UBE2G1: variants seen among roughly 807,000 people sequenced by gnomAD.
UBE2G1 encodes ubiquitin conjugating enzyme E2 G1.
Under a neutral mutation model 22.7 loss-of-function variants are expected in UBE2G1, and 5 were observed. The observed-to-expected ratio is 0.22, with a 90% CI of 0.12 to 0.46. UBE2G1 has a LOEUF of 0.46. UBE2G1 is among the 20% of genes least tolerant of loss of function. UBE2G1 has a pLI of 0.99. For missense variants in UBE2G1, 88 were observed against 203.9 expected, an observed-to-expected ratio of 0.43 and a Z score of 3.46; for synonymous variants, 74 against 67.5, an observed-to-expected ratio of 1.10 and a Z score of -0.47.
chr17:4,339,509 G>T (rs1265564488), intron 1 of UBE2G1, among the ~76,000 whole-genome samples: 1 of 152,070 alleles, frequency 6.6e-6, no homozygotes, highest in Non-Finnish European at 1.5e-5. Flanking sequence ...TCAGCATGTT[G>T]ACCAGGCTGG....
chr17:4,274,644 A>G (rs1353775216), intron 5 of UBE2G1, among the ~76,000 whole-genome samples: 1 of 152,224 alleles, frequency 6.6e-6, no homozygotes, highest in Non-Finnish European at 1.5e-5. Context: ...GTACCAATCA[A>G]TGTAAATGGC....
At chr17:4,307,732 G>A (rs534001930) in intron 1 of UBE2G1, among the ~76,000 whole-genome samples, 22 of 152,138 alleles carry the variant, frequency 1.4e-4, no homozygotes, top group Non-Finnish European at 2.4e-4. Context: ...CAGCTTCTGG[G>A]ACAGAGGAGC....
intron 1 of UBE2G1, among the ~76,000 whole-genome samples, chr17:4,363,441 GAA>G: frequency 6.6e-6 from 1 of 152,046 alleles, no homozygotes; most frequent in Non-Finnish European, 1.5e-5. Flanking sequence ...CAATCATTAA[GAA>G]AGAGCTTTGG....
rs548672071 is a variant in UBE2G1, at chr17:4,329,386, G to A, written c.47-22263C>T. Among the ~76,000 whole-genome samples, 6 of 151,158 alleles carry A rather than the reference G, an allele frequency of 4.0e-5. No individual in the cohort carries two copies. In the South Asian group the frequency reaches 8.4e-4, roughly 21 times the overall value. ...TGCACTCCAGCCTGGGTGACAGAGC[G>A]AGATTCTGTCTCAAAAAAAAAATTA... On this transcript the variant is annotated intron_variant, in intron 1 of 5. Coordinates refer to ENST00000396981, the MANE Select transcript of UBE2G1 (RefSeq NM_003342.5).
chr17:4,366,368 C>T lies in UBE2G1; in HGVS notation c.-52G>A. 1 of 1,480,694 alleles carries T rather than the reference C, an allele frequency of 6.8e-7. No homozygotes were observed. The highest frequency in any genetic ancestry group is 8.9e-7 in the Non-Finnish European group (1 of 1,124,004). The allele number at this position is 1,480,694 out of a possible 1,614,324, so 91.7% of individuals were successfully genotyped here. A position where few individuals can be genotyped will look rare whatever the true frequency, so the allele number is the denominator to read the frequency against. On this transcript the variant is annotated 5_prime_UTR_variant, in exon 1 of 6. Transcript: ENST00000396981. ...GCCGGGGCTTCCGAAGGGCTGGGGA[C>T]AGGCTCTGGGGGCGGCTGGAGCGGG...
At chr17:4,275,815 C>T (rs1166391730) in intron 5 of UBE2G1, among the ~76,000 whole-genome samples, 1 of 152,174 alleles carries the variant, frequency 6.6e-6, no homozygotes, top group African/African-American at 2.4e-5. Context: ...CCAAATCACC[C>T]TACACAGCCA....
intron 5 of UBE2G1, among the ~76,000 whole-genome samples, chr17:4,273,666 T>C (rs976402429): frequency 1.3e-5 from 2 of 151,284 alleles, no homozygotes; most frequent in African/African-American, 4.9e-5. Context: ...AAGTCTCATT[T>C]GACTATTAGA....
At chr17:4,281,783 T>C (rs1248124585) in intron 5 of UBE2G1, among the ~76,000 whole-genome samples, 3 of 152,242 alleles carry the variant, frequency 2.0e-5, no homozygotes, top group Non-Finnish European at 4.4e-5. Context: ...TTTGGTGCTC[T>C]ACACCTTCAG....
intron 2 of UBE2G1, chr17:4,301,730 T>C (rs989323469): frequency 3.0e-6 from 2 of 661,982 alleles, no homozygotes; most frequent in Middle Eastern, 8.2e-4. Context: ...TGTGTTTGGA[T>C]TGGTGGGGAG....
intron 1 of UBE2G1, among the ~76,000 whole-genome samples, chr17:4,315,598 G>C (rs1969357527): frequency 6.6e-6 from 1 of 151,364 alleles, no homozygotes; most frequent in Admixed American, 6.6e-5. Context: ...AAAATAGCCG[G>C]GCGTGGTGGC....
intron 1 of UBE2G1, among the ~76,000 whole-genome samples, chr17:4,349,806 A>G (rs765884029): frequency 2.0e-5 from 3 of 151,460 alleles, no homozygotes; most frequent in South Asian, 2.1e-4. Context: ...TTGCGCCACT[A>G]CACTCCAGTC....
Position 4,356,670 on chromosome 17 carries a change from C to T in UBE2G1, c.46+9601G>A, listed in dbSNP as rs1969909684. On this transcript the variant is annotated intron_variant, in intron 1 of 5. Transcript: ENST00000396981. ...ATTGCTTGAGTCCAGGAGTTCAAGA[C>T]CAGCCTGAGCAACACAGCAAGACTT... is the stretch of plus-strand genomic sequence containing the variant. 2.0e-5 allele frequency among the ~76,000 whole-genome samples: 3 copies of T among 152,090 alleles called. No homozygotes were observed. The South Asian group carries it at 6.2e-4, about 32-fold the overall frequency.
In UBE2G1 at chr17:4,315,953, G is replaced by A. The variant is rs1342231809; in HGVS notation, c.47-8830C>T. On this transcript the variant is annotated intron_variant, in intron 1 of 5. Transcript: ENST00000396981. ...TCTCCGAGTAGCTGGGACTACAGGC[G>A]CCCACCACCACGCCCGGCTAATTTT... Among the ~76,000 whole-genome samples the A allele has an allele frequency of 3.4e-5, 5 of 148,726 alleles. No homozygotes were observed. The East Asian group carries it at 6.3e-4, about 19-fold the overall frequency.
rs1264888540 is a variant in UBE2G1 at position 4,271,447 on chromosome 17, A to G, written c.*1107T>C. 2.6e-5 allele frequency: 4 copies of G among 152,616 alleles called. No homozygotes were observed. Among genetic ancestry groups the G allele is most frequent in the South Asian group, 2.1e-4 (1 of 4,832 alleles). 9.5% of individuals were successfully genotyped at this position (152,616 alleles called of 1,614,324 possible). A position where few individuals can be genotyped will look rare whatever the true frequency, so the allele number is the denominator to read the frequency against. On this transcript the variant is annotated 3_prime_UTR_variant, in exon 6 of 6. Coordinates refer to ENST00000396981, the MANE Select transcript of UBE2G1 (RefSeq NM_003342.5). ...ACTTGACAATTATTGAAAAAAAATT[A>G]TATTTTGGAAGAACTCACTACATAA...
intron 1 of UBE2G1, among the ~76,000 whole-genome samples, chr17:4,315,838 G>C (rs1483373302): frequency 1.6e-5 from 2 of 121,850 alleles, no homozygotes; most frequent in African/African-American, 3.3e-5. Context: ...ACGGAGTCTC[G>C]CTCTGTAGCC....
intron 1 of UBE2G1, among the ~76,000 whole-genome samples, chr17:4,327,093 C>T (rs1004352224): frequency 2.0e-5 from 3 of 151,790 alleles, no homozygotes; most frequent in Admixed American, 6.6e-5. Context: ...TTCAGAAGTT[C>T]GAGGCCAGCC....
intron 1 of UBE2G1, among the ~76,000 whole-genome samples, chr17:4,334,649 C>G (rs534545784): frequency 2.6e-5 from 4 of 152,264 alleles, no homozygotes; most frequent in African/African-American, 9.6e-5. Flanking sequence ...AACGGATTCT[C>G]CTGCCTCAGC....
chr17:4,301,855 G>C, intron 2 of UBE2G1: 1 of 504,534 alleles, frequency 2.0e-6, no homozygotes, highest in South Asian at 1.6e-5. Context: ...CGGTAAACAT[G>C]AACTTCGTGA....
chr17:4,306,290 G>A (rs1206068526), intron 2 of UBE2G1, among the ~76,000 whole-genome samples: 1 of 152,092 alleles, frequency 6.6e-6, no homozygotes, highest in Non-Finnish European at 1.5e-5. Context: ...CTGAGTTCAA[G>A]TGATTCTCCT....
Sources: gnomAD v4.1 joint callset for allele counts (sites outside exome capture counted in the v4.1 genomes callset) on GRCh38, gnomAD v4.1.1 for gene constraint, MANE v1.5 for transcripts, NCBI Gene and HGNC (gene_info 2026-07-23, HGNC 2026-07-21) for gene names.